APELA: variants seen among roughly 807,000 people sequenced by gnomAD.
APELA encodes the protein protein Elabela.
chr4:164,883,484 C>CT (rs758157733), intron 2 of APELA, among the ~76,000 whole-genome samples: 19,756 of 129,028 alleles, frequency 0.15, 2,270 homozygotes, highest in African/African-American at 0.2. Context: ...TCTAGTCTTT[C>CT]TTTTTCTTTT....
chr4:164,892,089 T>C (rs1400998905), intron 2 of APELA, among the ~76,000 whole-genome samples: 1 of 152,108 alleles, frequency 6.6e-6, no homozygotes, highest in African/African-American at 2.4e-5. Context: ...GGGGGGCAGA[T>C]TGCTTGAGTC....
chr4:164,892,056 A>G (rs1730892782), intron 2 of APELA, among the ~76,000 whole-genome samples: 1 of 152,080 alleles, frequency 6.6e-6, no homozygotes, highest in Non-Finnish European at 1.5e-5. Context: ...CATGCCTGTA[A>G]TTCCAGCACT....
rs148284827 is a variant in APELA at position 164,884,457 on chromosome 4, G to A, written c.*1+5448G>A. On this transcript the variant is annotated intron_variant, in intron 2 of 2. Transcript: ENST00000507152. Reference sequence around the variant, plus strand: ...TTTCAGTCCTGATCTCAGTTATCCCGCTGTAGGTCAAATGGAACACAAAAT... The same window carrying A: ...TTTCAGTCCTGATCTCAGTTATCCCACTGTAGGTCAAATGGAACACAAAAT... 5.3e-5 allele frequency among the ~76,000 whole-genome samples: 8 copies of A among 152,186 alleles called. No individual in the cohort carries two copies. The East Asian group carries it at 1.5e-3, about 29-fold the overall frequency.
chr4:164,883,906 T>C (rs1252405045), intron 2 of APELA, among the ~76,000 whole-genome samples: 4 of 105,022 alleles, frequency 3.8e-5, no homozygotes, highest in Non-Finnish European at 8.0e-5. Context: ...AACACTGATC[T>C]ATTTTGTCTT....
chr4:164,882,392 C>G (rs972602445), intron 2 of APELA, among the ~76,000 whole-genome samples: 3 of 152,144 alleles, frequency 2.0e-5, no homozygotes, highest in African/African-American at 7.2e-5. Flanking sequence ...GCATGAGCCA[C>G]TGCGCCTGGT....
chr4:164,881,871 CCA>C (rs1730658932), intron 2 of APELA, among the ~76,000 whole-genome samples: 1 of 84,738 alleles, frequency 1.2e-5, no homozygotes, highest in African/African-American at 5.2e-5. Context: ...CTTGTCTCTA[CCA>C]AAAAAAAAAA....
In APELA at chr4:164,897,063, T is replaced by G. The variant is rs1217779519; in HGVS notation, c.*1649T>G. On this transcript the variant is annotated 3_prime_UTR_variant, in exon 3 of 3. Coordinates refer to ENST00000507152, the MANE Select transcript of APELA (RefSeq NM_001297550.2). ...CCAAAATACTGGGATTACAGGCATG[T>G]GCCACCATGCTGGGCCACAAGTTCA... The G allele has an allele frequency of 6.6e-6, 1 of 152,196 alleles. No individual in the cohort carries two copies. Among genetic ancestry groups the G allele is most frequent in the East Asian group, 1.9e-4 (1 of 5,196 alleles). 9.4% of individuals were successfully genotyped at this position (152,196 alleles called of 1,614,324 possible). A position where few individuals can be genotyped will look rare whatever the true frequency, so the allele number is the denominator to read the frequency against.
At chr4:164,898,170 C>T (rs757283971), downstream of APELA, among the ~76,000 whole-genome samples, 16 of 151,602 alleles carry the variant, frequency 1.1e-4, no homozygotes, top group Admixed American at 3.3e-4. Flanking sequence ...GGATTACAGG[C>T]GTGAGCCACT....
At chr4:164,880,430 C>G (rs1730634849) in intron 2 of APELA, among the ~76,000 whole-genome samples, 3 of 152,124 alleles carry the variant, frequency 2.0e-5, no homozygotes, top group Admixed American at 2.0e-4. Flanking sequence ...CAGAAAGATA[C>G]AGTAGGAGGT....
intron 2 of APELA, among the ~76,000 whole-genome samples, chr4:164,882,744 CA>C (rs1241805864): frequency 2.0e-5 from 3 of 152,072 alleles, no homozygotes; most frequent in Admixed American, 6.6e-5. Flanking sequence ...TATCCCTCCC[CA>C]CTCCCCCCAC....
intron 2 of APELA, among the ~76,000 whole-genome samples, chr4:164,890,103 T>C (rs937674235): frequency 2.0e-5 from 3 of 152,232 alleles, no homozygotes; most frequent in South Asian, 2.1e-4. Flanking sequence ...TCAATATTTA[T>C]GTTTTGTAAT....
chr4:164,882,137 C>T (rs1481220281), intron 2 of APELA, among the ~76,000 whole-genome samples: 1 of 151,880 alleles, frequency 6.6e-6, no homozygotes, highest in Non-Finnish European at 1.5e-5. Context: ...AGTTTTCACT[C>T]ATGTTGCCCA....
chr4:164,877,746 T>C lies in APELA; in HGVS notation c.76+339T>C, dbSNP rs145604947. Among the ~76,000 whole-genome samples, 105 of 152,290 alleles carry C rather than the reference T, an allele frequency of 6.9e-4. 2 individuals are homozygous for C. The East Asian group carries it at 0.018, about 25-fold the overall frequency. ...TTCATTATAAAGGTAAATAAATGTA[T>C]AGATTTTTAGGTAAAATGCAAACTC... is the stretch of plus-strand genomic sequence containing the variant. On this transcript the variant is annotated intron_variant, in intron 1 of 2. Coordinates refer to ENST00000507152, the MANE Select transcript of APELA (RefSeq NM_001297550.2).
At chr4:164,883,490 C>T (rs7661534) in intron 2 of APELA, among the ~76,000 whole-genome samples, 98,240 of 140,442 alleles carry the variant, frequency 0.7, 35,849 homozygotes, top group African/African-American at 0.93. Context: ...CTTTCTTTTT[C>T]TTTTTTTTTT....
chr4:164,892,525 T>G (rs1730901730), intron 2 of APELA, among the ~76,000 whole-genome samples: 1 of 152,186 alleles, frequency 6.6e-6, no homozygotes, highest in African/African-American at 2.4e-5. Flanking sequence ...TGAATTTAGA[T>G]TGCTAGTATT....
intron 2 of APELA, among the ~76,000 whole-genome samples, chr4:164,885,118 T>C (rs1730743847): frequency 6.6e-6 from 1 of 152,104 alleles, no homozygotes; most frequent in South Asian, 2.1e-4. Flanking sequence ...CCTAAGTGTT[T>C]TTGCTTGTTT....
At position 164,877,210 on chromosome 4, in the gene APELA, C is replaced by A; in HGVS notation, c.-122C>A. On this transcript the variant is annotated 5_prime_UTR_variant, in exon 1 of 3. The change creates a new upstream start codon in the 5' untranslated region. Transcript: ENST00000507152. Reference sequence around the variant, plus strand: ...TCATTAACCTTCCTGCAAAACACAGCTGGCAGTTCTCTGAGGTTTGTCACT... The same window carrying A: ...TCATTAACCTTCCTGCAAAACACAGATGGCAGTTCTCTGAGGTTTGTCACT... The A allele has an allele frequency of 2.5e-6, 1 of 395,466 alleles. No individual in the cohort carries two copies. The highest frequency in any genetic ancestry group is 3.6e-5 in the East Asian group (1 of 27,950). The allele number at this position is 395,466 out of a possible 1,614,324, so 24.5% of individuals were successfully genotyped here. A position where few individuals can be genotyped will look rare whatever the true frequency, so the allele number is the denominator to read the frequency against.
intron 2 of APELA, among the ~76,000 whole-genome samples, chr4:164,887,761 G>A (rs1006824814): frequency 2.1e-4 from 32 of 151,914 alleles, no homozygotes; most frequent in African/African-American, 6.3e-4. Context: ...ACAAGCATGC[G>A]CCACCATGCC....
At chr4:164,882,787 C>T (rs1192997057) in intron 2 of APELA, among the ~76,000 whole-genome samples, 1 of 152,070 alleles carries the variant, frequency 6.6e-6, no homozygotes, top group Non-Finnish European at 1.5e-5. Context: ...TGATGTTCCC[C>T]TTCCTGTGTC....
Sources: allele counts gnomAD v4.1 joint callset (sites outside exome capture counted in the v4.1 genomes callset), GRCh38; gene constraint gnomAD v4.1.1; transcripts MANE v1.5; gene names NCBI Gene and HGNC (gene_info 2026-07-23, HGNC 2026-07-21).